The following CDK13 variants were observed in gnomAD, a reference collection of about 807,000 sequenced individuals.
CDK13 encodes the protein cyclin-dependent kinase 13.
Under a neutral mutation model 137.6 loss-of-function variants are expected in CDK13, and 40 were observed. The ratio of observed to expected loss-of-function variants is 0.29; its 90% CI spans 0.23 to 0.38. CDK13 has a LOEUF of 0.38. CDK13 is among the 10% of genes least tolerant of loss of function. CDK13 has a pLI of 1.00. For missense variants in CDK13, 1,704 were observed against 1,951.8 expected (o/e 0.87, Z 2.39); for synonymous variants, 869 against 760.1 (o/e 1.14, Z -2.36).
chr7:40,055,250 G>T (rs1436470077), intron 7 of CDK13, among the ~76,000 whole-genome samples: 1 of 151,276 alleles, frequency 6.6e-6, no homozygotes, highest in African/African-American at 2.4e-5. Flanking sequence ...ATGTAAAGTG[G>T]AGTGGTTCAT....
intron 5 of CDK13, among the ~76,000 whole-genome samples, chr7:40,029,800 G>A (rs1785328442): frequency 6.6e-6 from 1 of 151,996 alleles, no homozygotes; most frequent in Admixed American, 6.5e-5. Flanking sequence ...CTACAGGCTT[G>A]CACCACCGTG....
At chr7:40,037,050 G>A (rs558927823) in intron 5 of CDK13, among the ~76,000 whole-genome samples, 2 of 152,256 alleles carry the variant, frequency 1.3e-5, no homozygotes, top group African/African-American at 4.8e-5. Flanking sequence ...ATTTATTGGA[G>A]AGTAGACTGC....
intron 9 of CDK13, among the ~76,000 whole-genome samples, chr7:40,074,327 C>G (rs1786492659): frequency 6.6e-6 from 1 of 152,002 alleles, no homozygotes; most frequent in African/African-American, 2.4e-5. Flanking sequence ...TCGAGACCAT[C>G]CTGGCTAACA....
chr7:39,979,525 C>T (rs531735291), intron 1 of CDK13, among the ~76,000 whole-genome samples: 5 of 152,034 alleles, frequency 3.3e-5, no homozygotes, highest in Admixed American at 3.3e-4. Context: ...CAAGAGATTG[C>T]TTATTTTTTT....
intron 1 of CDK13, among the ~76,000 whole-genome samples, chr7:39,969,350 C>T (rs2329611): frequency 0.27 from 40,623 of 152,090 alleles, 6,560 homozygotes; most frequent in Middle Eastern, 0.45. Context: ...TCATTAATCT[C>T]GTTCAGAAGT....
At chr7:40,094,037 A>G (rs962375265) in intron 13 of CDK13, 93 bp from the exon 14 acceptor site, 79 of 1,411,098 alleles carry the variant, frequency 5.6e-5, no homozygotes, top group Non-Finnish European at 6.9e-5. Context: ...ACTTCTAATC[A>G]TCTTTAGAAC....
Position 39,950,668 on chromosome 7 carries a change from G to T in CDK13, c.27G>T (p.Leu9=). The T allele has an allele frequency of 7.2e-7, 1 of 1,382,218 alleles. No homozygotes were observed. Among genetic ancestry groups the T allele is most frequent in the Non-Finnish European group, 9.3e-7 (1 of 1,072,620 alleles). The allele number at this position is 1,382,218 out of a possible 1,614,324, so 85.6% of individuals were successfully genotyped here. A position where few individuals can be genotyped will look rare whatever the true frequency, so the allele number is the denominator to read the frequency against. Residue 9 remains leucine, a synonymous_variant, in exon 1 of 14, where the codon CTG becomes CTT. Coordinates refer to ENST00000181839, the MANE Select transcript of CDK13 (RefSeq NM_003718.5). MPSSSDTA[L]GGGGGLSWAE... ...TGCCGAGCAGCTCGGACACGGCGCTGGGGGGAGGCGGGGGCCTGAGCTGGG... is the reference window on the plus strand; with the variant it reads ...TGCCGAGCAGCTCGGACACGGCGCTTGGGGGAGGCGGGGGCCTGAGCTGGG...
intron 9 of CDK13, among the ~76,000 whole-genome samples, chr7:40,074,245 A>AGGTGC (rs1786489409): frequency 6.6e-6 from 1 of 152,084 alleles, no homozygotes; most frequent in African/African-American, 2.4e-5. Flanking sequence ...GGCATGGGCC[A>AGGTGC]GGTGCGGTGG....
chr7:39,986,855 T>A lies in CDK13; in HGVS notation c.1212-744T>A, dbSNP rs1784347857. On this transcript the variant is annotated intron_variant, in intron 1 of 13. Transcript: ENST00000181839. ...TGTGTGTGAATGTAATTTTTTAATT[T>A]TTTTGAATGGAGCCCTCCGCCTCCC... 6 of 152,326 alleles carry A rather than the reference T, an allele frequency of 3.9e-5. No individual in the cohort carries two copies. In the South Asian group the frequency reaches 1.2e-3, roughly 32 times the overall value. The allele number at this position is 152,326 out of a possible 1,614,324, so 9.4% of individuals were successfully genotyped here.
At position 39,981,370 on chromosome 7, in the gene CDK13, TA is replaced by T. The variant is rs34499938; in HGVS notation, c.1212-6215del. On this transcript the variant is annotated intron_variant, in intron 1 of 13. Coordinates refer to ENST00000181839, the MANE Select transcript of CDK13 (RefSeq NM_003718.5). ...TGCGAAAAAGTGAGAGACCCTGTCT[TA>T]AAAAAAAAAAAAATTATCTATTAAA... is the stretch of plus-strand genomic sequence containing the variant. 3.5e-3 allele frequency among the ~76,000 whole-genome samples: 481 copies of T among 138,196 alleles called. 1 individual carries two copies. The highest frequency in any genetic ancestry group is 0.014 in the East Asian group (64 of 4,734). 90.7% of individuals were successfully genotyped at this position (138,196 alleles called of 152,430 possible).
chr7:40,060,063 GAATT>G (rs1786107471), intron 7 of CDK13, among the ~76,000 whole-genome samples: 1 of 152,082 alleles, frequency 6.6e-6, no homozygotes, highest in Non-Finnish European at 1.5e-5. Flanking sequence ...TTTCACGTCT[GAATT>G]AATAAAACAT....
chr7:40,021,431 G>A (rs1300764326), intron 5 of CDK13, among the ~76,000 whole-genome samples: 1 of 152,000 alleles, frequency 6.6e-6, no homozygotes, highest in African/African-American at 2.4e-5. Context: ...AAGAGGTGTA[G>A]GTTGCGGTGA....
In CDK13 at chr7:40,097,385, CAT is replaced by C. The variant is rs1361167603; in HGVS notation, c.*2408_*2409del. ...TTGTAAGCTGCATCCCAGATTCAGACATATTATATGAAAATATGTCTTATAAT... is the reference window on the plus strand; with the variant it reads ...TTGTAAGCTGCATCCCAGATTCAGACATTATATGAAAATATGTCTTATAAT... On this transcript the variant is annotated 3_prime_UTR_variant, in exon 14 of 14. Transcript: ENST00000181839. The C allele has an allele frequency of 6.6e-6, 1 of 151,990 alleles. No individual in the cohort carries two copies. Among genetic ancestry groups the C allele is most frequent in the African/African-American group, 2.4e-5 (1 of 41,384 alleles). The allele number at this position is 151,990 out of a possible 1,614,324, so 9.4% of individuals were successfully genotyped here.
In CDK13 at chr7:39,951,195, C is replaced by T. The variant is rs1434920001; in HGVS notation, c.554C>T (p.Ser185Phe). ...GGSGGSPASS[S>F]GTQRRGEGSE... ...AGCGGCGGGAGTCCGGCCTCCTCCT[C>T]CGGCACCCAGCGGCGCGGGGAGGGG... The change falls in exon 1 of 14, where the codon TCC becomes TTC. Residue 185 changes from serine (S) to phenylalanine (F), a missense_variant. By Grantham distance (155) the Ser-to-Phe change is radical (BLOSUM62 -2). This residue lies in a region of CDK13 where 1,051 missense variants were observed against 931.0 expected (regional missense o/e 1.13). Transcript: ENST00000181839. The T allele has an allele frequency of 8.8e-6, 11 of 1,251,264 alleles. No individual in the cohort carries two copies. The East Asian group carries it at 3.5e-4, about 40-fold the overall frequency. The allele number at this position is 1,251,264 out of a possible 1,614,324, so 77.5% of individuals were successfully genotyped here.
chr7:40,046,043 A>G lies in CDK13; in HGVS notation c.2543+18A>G, dbSNP rs751585023. ...AATAATAGGTATGGGTATGAACTTT[A>G]TATATATTTAAAATGAGTTTTACCA... is the stretch of plus-strand genomic sequence containing the variant. On this transcript the variant is annotated intron_variant, in intron 6 of 13. Coordinates refer to ENST00000181839, the MANE Select transcript of CDK13 (RefSeq NM_003718.5). The G allele has an allele frequency of 2.9e-6, 4 of 1,381,884 alleles. No homozygotes were observed. In the African/African-American group the frequency reaches 4.4e-5, roughly 15 times the overall value. 85.6% of individuals were successfully genotyped at this position (1,381,884 alleles called of 1,614,324 possible).
Position 40,055,922 on chromosome 7 carries a change from C to T in CDK13, c.2601-6904C>T, listed in dbSNP as rs538224454. Among the ~76,000 whole-genome samples, 61 of 152,242 alleles carry T rather than the reference C, an allele frequency of 4.0e-4. 1 individual carries two copies. The highest frequency in any genetic ancestry group is 2.9e-3 in the South Asian group (14 of 4,830). On this transcript the variant is annotated intron_variant, in intron 7 of 13. Coordinates refer to ENST00000181839, the MANE Select transcript of CDK13 (RefSeq NM_003718.5). ...TGTCTGTCTTTGGATAATGTATTTT[C>T]ATATTACAACGTGCTTTAATTTTCC...
At chr7:39,955,950 G>T (rs949857301) in intron 1 of CDK13, among the ~76,000 whole-genome samples, 19 of 151,408 alleles carry the variant, frequency 1.3e-4, no homozygotes, top group Admixed American at 4.6e-4. Context: ...GGAATAATAA[G>T]AACCTAAGAA....
At chr7:40,038,228 G>A (rs1320902995) in intron 5 of CDK13, among the ~76,000 whole-genome samples, 2 of 151,948 alleles carry the variant, frequency 1.3e-5, no homozygotes, top group Non-Finnish European at 1.5e-5. Context: ...TAGCAATGTT[G>A]TAAGTGCTCT....
chr7:40,002,233 G>C, intron 5 of CDK13: 2 of 405,734 alleles, frequency 4.9e-6, no homozygotes, highest in East Asian at 4.3e-5. Flanking sequence ...AAGGGTATTT[G>C]CCAATATTAC....
Sources: gnomAD v4.1 joint callset for allele counts (sites outside exome capture counted in the v4.1 genomes callset) on GRCh38, gnomAD v4.1.1 for gene constraint, gnomAD v4.1.1 regional missense constraint, MANE v1.5 for transcripts, NCBI Gene and HGNC (gene_info 2026-07-23, HGNC 2026-07-21) for gene names.